The following KLHL1 variants were observed in gnomAD, a reference collection of about 807,000 sequenced individuals.
KLHL1 encodes the protein kelch-like protein 1.
A neutral mutation model predicts 77.7 loss-of-function variants in KLHL1; 47 were observed. The observed-to-expected ratio is 0.60, with a 90% CI of 0.48 to 0.77. KLHL1 has a LOEUF of 0.77. Ranked by LOEUF, KLHL1 falls within the 30% of genes least tolerant of loss-of-function variation. KLHL1 has a pLI of 0.00. For missense variants in KLHL1, 925 were observed against 910.8 expected (o/e 1.02, Z -0.20); for synonymous variants, 360 against 325.2 (o/e 1.11, Z -1.15).
chr13:70,093,303 C>T (rs1160343178), intron 1 of KLHL1, among the ~76,000 whole-genome samples: 1 of 152,054 alleles, frequency 6.6e-6, no homozygotes, highest in Admixed American at 6.6e-5. Context: ...CCAAGATGCC[C>T]ATCTGCAAGT....
intron 1 of KLHL1, among the ~76,000 whole-genome samples, chr13:70,051,536 G>A (rs1379752990): frequency 2.0e-5 from 3 of 151,998 alleles, no homozygotes; most frequent in Non-Finnish European, 4.4e-5. Context: ...TAAAAGACAA[G>A]CACTTTATCT....
At chr13:69,794,233 C>G (rs986734904) in intron 7 of KLHL1, among the ~76,000 whole-genome samples, 5 of 152,082 alleles carry the variant, frequency 3.3e-5, no homozygotes, top group Admixed American at 1.3e-4. Context: ...ATAGGTTGAG[C>G]GAAGTCAGCT....
At chr13:69,756,364 A>C (rs149815013) in intron 7 of KLHL1, among the ~76,000 whole-genome samples, 1 of 152,326 alleles carries the variant, frequency 6.6e-6, no homozygotes, top group African/African-American at 2.4e-5. Flanking sequence ...TTTTGTGACT[A>C]AAATGAATTT....
At chr13:69,878,681 CAT>C (rs1339255655) in intron 5 of KLHL1, among the ~76,000 whole-genome samples, 6 of 151,282 alleles carry the variant, frequency 4.0e-5, no homozygotes, top group African/African-American at 9.7e-5. Context: ...TATGTGTACA[CAT>C]ATATGTGTGT....
chr13:69,902,154 A>G (rs569063264), intron 4 of KLHL1, among the ~76,000 whole-genome samples: 6 of 152,280 alleles, frequency 3.9e-5, no homozygotes, highest in African/African-American at 1.4e-4. Context: ...GGCACAATAT[A>G]TTGGAAATAT....
chr13:69,785,150 C>T (rs1184053515), intron 7 of KLHL1, among the ~76,000 whole-genome samples: 1 of 151,938 alleles, frequency 6.6e-6, no homozygotes, highest in Non-Finnish European at 1.5e-5. Context: ...CCTTGGCCTC[C>T]CAAAGTGCTG....
intron 6 of KLHL1, among the ~76,000 whole-genome samples, chr13:69,815,817 A>C (rs1467795434): frequency 1.3e-5 from 2 of 152,226 alleles, no homozygotes; most frequent in Non-Finnish European, 2.9e-5. Context: ...CACAAAACCC[A>C]GAAGTTATAA....
intron 6 of KLHL1, among the ~76,000 whole-genome samples, chr13:69,809,048 A>T (rs1422502365): frequency 6.6e-6 from 1 of 152,174 alleles, no homozygotes; most frequent in Non-Finnish European, 1.5e-5. Flanking sequence ...CAAATCCTTC[A>T]AGAAATATGG....
intron 2 of KLHL1, among the ~76,000 whole-genome samples, chr13:69,975,094 C>T (rs1055630424): frequency 1.3e-5 from 2 of 151,968 alleles, no homozygotes; most frequent in East Asian, 3.9e-4. Context: ...AAACTATTAG[C>T]TTTCAAATGA....
intron 5 of KLHL1, among the ~76,000 whole-genome samples, chr13:69,847,404 C>CGAAAAAA (rs1879507494): frequency 6.9e-6 from 1 of 145,856 alleles, no homozygotes; most frequent in African/African-American, 2.6e-5. Flanking sequence ...ACTGCATTAG[C>CGAAAAAA]AAAAAAAAAA....
intron 4 of KLHL1, among the ~76,000 whole-genome samples, chr13:69,939,656 TAAAG>T (rs199947221): frequency 0.01 from 1,561 of 152,096 alleles, 25 homozygotes; most frequent in African/African-American, 0.035. Context: ...CATAAAGCCA[TAAAG>T]AAGCTTCCTG....
chr13:69,924,607 T>C (rs1882753511), intron 4 of KLHL1, among the ~76,000 whole-genome samples: 1 of 152,096 alleles, frequency 6.6e-6, no homozygotes, highest in South Asian at 2.1e-4. Context: ...TCCACATACC[T>C]CCTTCTTCCT....
At chr13:69,860,198 T>C (rs980190984) in intron 5 of KLHL1, among the ~76,000 whole-genome samples, 5 of 152,098 alleles carry the variant, frequency 3.3e-5, no homozygotes, top group African/African-American at 1.2e-4. Context: ...CTAGGTACAA[T>C]TGAAGATATG....
chr13:69,940,242 C>T lies in KLHL1; in HGVS notation c.818-6G>A. 1.3e-6 allele frequency: 2 copies of T among 1,587,358 alleles called. No homozygotes were observed. The highest frequency in any genetic ancestry group is 2.3e-5 in the South Asian group (2 of 87,742). On this transcript the variant is annotated splice_polypyrimidine_tract_variant and splice_region_variant and intron_variant, in intron 3 of 10. Coordinates refer to ENST00000377844, the MANE Select transcript of KLHL1 (RefSeq NM_020866.3). ...CTCTTTTAATTCCAAGCAGCCTAAA[C>T]ATAAGCAAAGATAATTATGAAACTC...
At chr13:69,746,021 T>C (rs1874198880) in intron 7 of KLHL1, among the ~76,000 whole-genome samples, 1 of 151,606 alleles carries the variant, frequency 6.6e-6, no homozygotes, top group Non-Finnish European at 1.5e-5. Flanking sequence ...GAAATTTTTA[T>C]TAGAACTTTT....
At chr13:69,946,877 G>A (rs1286789458) in intron 3 of KLHL1, among the ~76,000 whole-genome samples, 1 of 150,252 alleles carries the variant, frequency 6.7e-6, no homozygotes, top group African/African-American at 2.5e-5. Context: ...GTCACATATG[G>A]TATTATTAGG....
intron 8 of KLHL1, among the ~76,000 whole-genome samples, chr13:69,733,475 G>C (rs1190325531): frequency 6.6e-6 from 1 of 152,080 alleles, no homozygotes; most frequent in Non-Finnish European, 1.5e-5. Context: ...ACTTGGAAAT[G>C]ATTAATTTTC....
At chr13:70,086,743 A>G (rs1172118478) in intron 1 of KLHL1, among the ~76,000 whole-genome samples, 1 of 147,166 alleles carries the variant, frequency 6.8e-6, no homozygotes, top group African/African-American at 2.5e-5. Context: ...TCTTATATGT[A>G]GTGCCTGCAG....
intron 2 of KLHL1, among the ~76,000 whole-genome samples, chr13:69,969,452 C>T (rs1019021430): frequency 6.6e-6 from 1 of 151,836 alleles, no homozygotes; most frequent in African/African-American, 2.4e-5. Context: ...TTATCAAAAG[C>T]ATTAATTAAA....
Sources: gnomAD v4.1 joint callset for allele counts (sites outside exome capture counted in the v4.1 genomes callset) on GRCh38, gnomAD v4.1.1 for gene constraint, MANE v1.5 for transcripts, NCBI Gene and HGNC (gene_info 2026-07-23, HGNC 2026-07-21) for gene names.